CNTN4: variants seen among roughly 807,000 people sequenced by gnomAD.
The protein encoded by CNTN4 is contactin 4, also known as contactin-4.
In CNTN4, 77 loss-of-function variants were observed where a neutral mutation model predicts 122.5. That is an observed-to-expected ratio of 0.63 (90% CI 0.52 to 0.76). The LOEUF is 0.76. Among genes scored for constraint, CNTN4 ranks in the 30% least tolerant of loss-of-function variants. CNTN4 has a pLI of 0.00. For missense variants in CNTN4, 1,256 were observed against 1,259.1 expected (o/e 1.00, Z 0.04); for synonymous variants, 512 against 447.0 (o/e 1.15, Z -1.83).
chr3:2,435,710 G>A (rs2048235633), intron 3 of CNTN4, among the ~76,000 whole-genome samples: 1 of 152,096 alleles, frequency 6.6e-6, no homozygotes, highest in Non-Finnish European at 1.5e-5. Flanking sequence ...TACATACAAG[G>A]GATGTTCCTC....
intron 3 of CNTN4, among the ~76,000 whole-genome samples, chr3:2,512,557 G>T (rs2076918801): frequency 6.6e-6 from 1 of 152,270 alleles, no homozygotes; most frequent in Non-Finnish European, 1.5e-5. Context: ...TGTTATCACT[G>T]TGGAAAGGGA....
chr3:2,250,746 T>C (rs763626543), intron 2 of CNTN4, among the ~76,000 whole-genome samples: 6 of 151,916 alleles, frequency 3.9e-5, no homozygotes, highest in Admixed American at 6.6e-5. Flanking sequence ...ACATACTAAA[T>C]GTTATCCCTC....
At chr3:2,220,644 A>T (rs1236621166) in intron 2 of CNTN4, among the ~76,000 whole-genome samples, 1 of 152,070 alleles carries the variant, frequency 6.6e-6, no homozygotes, top group South Asian at 2.1e-4. Context: ...TTGAAGCCTC[A>T]GTTTGATCAT....
At chr3:2,778,636 T>C (rs1331194251) in intron 6 of CNTN4, among the ~76,000 whole-genome samples, 2 of 152,226 alleles carry the variant, frequency 1.3e-5, no homozygotes, top group Non-Finnish European at 2.9e-5. Flanking sequence ...AGTGATGAAC[T>C]CCTTTCTCCT....
At chr3:2,187,639 G>A (rs1483596207) in intron 2 of CNTN4, among the ~76,000 whole-genome samples, 1 of 152,144 alleles carries the variant, frequency 6.6e-6, no homozygotes, top group Non-Finnish European at 1.5e-5. Context: ...TGTAGTGTGT[G>A]TGAGGACACA....
intron 4 of CNTN4, among the ~76,000 whole-genome samples, chr3:2,575,809 C>CTTCTTTTTTTTTTT (rs2079640179): frequency 9.9e-6 from 1 of 101,250 alleles, no homozygotes; most frequent in African/African-American, 3.7e-5. Context: ...TCTTCTTCTT[C>CTTCTTTTTTTTTTT]TTTTTTTTTT....
At chr3:2,183,757 A>G (rs2149295402) in intron 2 of CNTN4, among the ~76,000 whole-genome samples, 1 of 152,264 alleles carries the variant, frequency 6.6e-6, no homozygotes, top group East Asian at 1.9e-4. Context: ...AAAGCCATAC[A>G]TGGAATGTCA....
chr3:2,600,004 TCTTC>T (rs1242181117), intron 4 of CNTN4, among the ~76,000 whole-genome samples: 2 of 104,454 alleles, frequency 1.9e-5, no homozygotes, highest in African/African-American at 5.0e-5. Context: ...TTTATGGAAT[TCTTC>T]TTTTTTTTTT....
intron 4 of CNTN4, among the ~76,000 whole-genome samples, chr3:2,685,863 A>G (rs1459118282): frequency 6.6e-6 from 1 of 152,106 alleles, no homozygotes; most frequent in African/African-American, 2.4e-5. Context: ...TTATGTTTCT[A>G]TTCCAATTTC....
At chr3:2,375,191 A>G (rs1468563039) in intron 3 of CNTN4, among the ~76,000 whole-genome samples, 1 of 152,196 alleles carries the variant, frequency 6.6e-6, no homozygotes, top group Non-Finnish European at 1.5e-5. Flanking sequence ...GCCATAAAAT[A>G]GAAATTGCTA....
At chr3:2,967,528 A>G (rs1416159641) in intron 13 of CNTN4, among the ~76,000 whole-genome samples, 3 of 152,048 alleles carry the variant, frequency 2.0e-5, no homozygotes, top group Admixed American at 2.0e-4. Context: ...TTTGTTTTAA[A>G]CTATAAACTA....
At chr3:2,712,202 C>T (rs2087192427) in intron 4 of CNTN4, among the ~76,000 whole-genome samples, 1 of 152,082 alleles carries the variant, frequency 6.6e-6, no homozygotes, top group Non-Finnish European at 1.5e-5. Flanking sequence ...ATTGCAAAAA[C>T]TTGGAAGGGA....
intron 2 of CNTN4, among the ~76,000 whole-genome samples, chr3:2,197,576 G>A (rs2149370999): frequency 6.6e-6 from 1 of 152,154 alleles, no homozygotes; most frequent in Non-Finnish European, 1.5e-5. Context: ...AGTCTTCCAT[G>A]TTAAAATATC....
chr3:2,105,938 A>G (rs554311108), intron 2 of CNTN4, among the ~76,000 whole-genome samples: 33 of 152,330 alleles, frequency 2.2e-4, no homozygotes, highest in Admixed American at 2.1e-3. Flanking sequence ...CACTGGGTCA[A>G]TGTTCCTATT....
intron 4 of CNTN4, among the ~76,000 whole-genome samples, chr3:2,656,785 A>G (rs1015786567): frequency 3.9e-5 from 6 of 152,178 alleles, no homozygotes; most frequent in African/African-American, 1.4e-4. Context: ...TTTAGACCCC[A>G]ATGTCGGTAT....
intron 3 of CNTN4, among the ~76,000 whole-genome samples, chr3:2,349,970 G>T (rs1324097192): frequency 6.6e-6 from 1 of 152,190 alleles, no homozygotes; most frequent in African/African-American, 2.4e-5. Context: ...CTCTGAGCCT[G>T]TGAGGGACAG....
intron 11 of CNTN4, among the ~76,000 whole-genome samples, chr3:2,902,565 A>T (rs1432699415): frequency 1.3e-5 from 2 of 152,146 alleles, no homozygotes; most frequent in Non-Finnish European, 2.9e-5. Context: ...TAAAGTGAAA[A>T]AGCATTTTAA....
chr3:2,743,636 T>A lies in CNTN4; in HGVS notation c.183-1886T>A, dbSNP rs558157821. ...TCCAGCAAAGAAGTGAAATATTTAG[T>A]TAATTAAATTCAACCAGCATTTATG... is the stretch of plus-strand genomic sequence containing the variant. On this transcript the variant is annotated intron_variant, in intron 5 of 24. Coordinates refer to ENST00000418658, the MANE Select transcript of CNTN4 (RefSeq NM_175607.3). 3.3e-5 allele frequency among the ~76,000 whole-genome samples: 5 copies of A among 152,336 alleles called. No individual in the cohort carries two copies. The East Asian group carries it at 9.6e-4, about 29-fold the overall frequency.
chr3:2,496,852 C>T (rs1001374396), intron 3 of CNTN4, among the ~76,000 whole-genome samples: 3 of 152,148 alleles, frequency 2.0e-5, no homozygotes, highest in African/African-American at 7.2e-5. Flanking sequence ...TTGGCTCTCA[C>T]AATTATGGAG....
Sources: gnomAD v4.1 joint callset for allele counts (sites outside exome capture counted in the v4.1 genomes callset) on GRCh38, gnomAD v4.1.1 for gene constraint, MANE v1.5 for transcripts, NCBI Gene and HGNC (gene_info 2026-07-23, HGNC 2026-07-21) for gene names.